Variants in NGLY1 observed in about 807,000 individuals in gnomAD.
NGLY1 encodes peptide-N(4)-(N-acetyl-beta-glucosaminyl)asparagine amidase.
Under a neutral mutation model 84.6 loss-of-function variants are expected in NGLY1, and 68 were observed. The ratio of observed to expected loss-of-function variants is 0.80; its 90% CI spans 0.66 to 0.98. NGLY1 has a LOEUF of 0.98. Ranked by LOEUF, NGLY1 falls within the 50% of genes least tolerant of loss-of-function variation. The probability of loss-of-function intolerance (pLI) is 0.00; values close to 1 mark genes in which losing one functional copy is unlikely to be tolerated. For missense variants in NGLY1, 779 were observed against 770.2 expected (o/e 1.01, Z -0.14); for synonymous variants, 280 against 275.2 (o/e 1.02, Z -0.17).
intron 3 of NGLY1, among the ~76,000 whole-genome samples, chr3:25,761,517 A>G (rs566561086): frequency 6.6e-6 from 1 of 152,346 alleles, no homozygotes; most frequent in South Asian, 2.1e-4. Flanking sequence ...ATGAACTACT[A>G]CTTAACAACC....
intron 6 of NGLY1, chr3:25,736,432 T>TA (rs1190058129): frequency 6.7e-7 from 1 of 1,494,700 alleles, no homozygotes. Context: ...AAGAGCAGCA[T>TA]AAAAAATATC....
intron 10 of NGLY1, among the ~76,000 whole-genome samples, chr3:25,727,609 A>G (rs1357565453): frequency 6.6e-6 from 1 of 152,150 alleles, no homozygotes; most frequent in African/African-American, 2.4e-5. Context: ...CATGGTTAAG[A>G]TGGCGGTTTA....
chr3:25,787,441 A>C (rs1356780816), upstream of NGLY1, among the ~76,000 whole-genome samples: 2 of 152,188 alleles, frequency 1.3e-5, no homozygotes, highest in Admixed American at 1.3e-4. Context: ...TCATTTGTGC[A>C]ATAGTGATCT....
At chr3:25,755,782 C>A in intron 3 of NGLY1, 1 of 697,138 alleles carries the variant, frequency 1.4e-6, no homozygotes, top group Non-Finnish European at 2.4e-6. Flanking sequence ...CCTTAAAAGA[C>A]TTTCATATTA....
chr3:25,747,408 C>T (rs1253622352), intron 4 of NGLY1, among the ~76,000 whole-genome samples: 1 of 152,064 alleles, frequency 6.6e-6, no homozygotes, highest in Non-Finnish European at 1.5e-5. Context: ...GTTAGCAGGC[C>T]TGTAGCAGAA....
intron 10 of NGLY1, among the ~76,000 whole-genome samples, chr3:25,724,913 A>G (rs2125451618): frequency 6.6e-6 from 1 of 152,318 alleles, no homozygotes; most frequent in Non-Finnish European, 1.5e-5. Flanking sequence ...TTCCTGGCTC[A>G]TAACTCCCAT....
chr3:25,777,531 G>A (rs150259933), intron 2 of NGLY1, among the ~76,000 whole-genome samples: 2 of 151,814 alleles, frequency 1.3e-5, no homozygotes, highest in Admixed American at 6.6e-5. Flanking sequence ...TCTGTTTCAC[G>A]GTTACTTCTG....
chr3:25,749,765 A>G (rs1706633026), intron 4 of NGLY1: 1 of 1,449,410 alleles, frequency 6.9e-7, no homozygotes, highest in Non-Finnish European at 9.6e-7. Flanking sequence ...GATGTGCAAC[A>G]AAACTTACTG....
At chr3:25,725,086 G>A (rs2125451852) in intron 10 of NGLY1, among the ~76,000 whole-genome samples, 1 of 152,282 alleles carries the variant, frequency 6.6e-6, no homozygotes, top group East Asian at 1.9e-4. Flanking sequence ...TCCATACCCT[G>A]GAGGTAGAAA....
At chr3:25,773,749 G>C (rs1021550233) in intron 2 of NGLY1, among the ~76,000 whole-genome samples, 1 of 152,154 alleles carries the variant, frequency 6.6e-6, no homozygotes, top group Non-Finnish European at 1.5e-5. Context: ...TATAGACTAT[G>C]TCAGAGGAAG....
intron 3 of NGLY1, among the ~76,000 whole-genome samples, chr3:25,759,911 T>TA (rs748237273): frequency 4.2e-3 from 256 of 60,726 alleles, no homozygotes; most frequent in African/African-American, 7.6e-3. Context: ...CTTCTTTAGT[T>TA]AAAAAAACAC....
At chr3:25,774,563 G>A (rs916610032) in intron 2 of NGLY1, among the ~76,000 whole-genome samples, 8 of 152,146 alleles carry the variant, frequency 5.3e-5, no homozygotes, top group African/African-American at 1.7e-4. Flanking sequence ...GGTCACCAGG[G>A]AAGTGGGGGA....
At chr3:25,724,111 G>A (rs1331290262) in intron 10 of NGLY1, among the ~76,000 whole-genome samples, 1 of 152,214 alleles carries the variant, frequency 6.6e-6, no homozygotes, top group Non-Finnish European at 1.5e-5. Flanking sequence ...TTGGCTTTAT[G>A]TAACTAATAT....
intron 3 of NGLY1, among the ~76,000 whole-genome samples, chr3:25,752,872 C>T (rs1282385431): frequency 6.6e-6 from 1 of 151,342 alleles, no homozygotes; most frequent in Non-Finnish European, 1.5e-5. Context: ...TGGTGTCAAA[C>T]GGTAGAATAA....
chr3:25,758,495 C>G (rs1707149707), intron 3 of NGLY1, among the ~76,000 whole-genome samples: 4 of 152,116 alleles, frequency 2.6e-5, no homozygotes. Context: ...GGAGGATCAT[C>G]TGAGCCCAGG....
At chr3:25,768,189 G>A (rs1478383561) in intron 2 of NGLY1, among the ~76,000 whole-genome samples, 2 of 150,554 alleles carry the variant, frequency 1.3e-5, no homozygotes, top group African/African-American at 2.4e-5. Flanking sequence ...TTGGGAGGCC[G>A]AGGTAGGTGA....
chr3:25,761,045 ATAAT>A (rs771614328), intron 3 of NGLY1, among the ~76,000 whole-genome samples: 2 of 152,100 alleles, frequency 1.3e-5, no homozygotes, highest in African/African-American at 2.4e-5. Context: ...TATGACTTTT[ATAAT>A]TTCAATGAAA....
upstream of NGLY1, among the ~76,000 whole-genome samples, chr3:25,785,349 C>T (rs1042396404): frequency 2.6e-5 from 4 of 151,972 alleles, no homozygotes; most frequent in East Asian, 1.9e-4. Flanking sequence ...AATGTAGTCT[C>T]GTCCAACTAC....
chr3:25,749,565 C>T lies in NGLY1; in HGVS notation c.658+1533G>A, dbSNP rs139126727. On this transcript the variant is annotated intron_variant, in intron 4 of 11. Transcript: ENST00000280700. ...AGAAGTTCATCCGGCACCAGTCTGA[C>T]TGATATGTCAAAAATTAAGTGTAAC... is the stretch of plus-strand genomic sequence containing the variant. The T allele has an allele frequency of 4.2e-4, 643 of 1,546,134 alleles. 2 individuals carry two copies. In the African/African-American group the frequency reaches 7.6e-3, roughly 18 times the overall value.
Sources: gnomAD v4.1 joint callset for allele counts (sites outside exome capture counted in the v4.1 genomes callset) on GRCh38, gnomAD v4.1.1 for gene constraint, MANE v1.5 for transcripts, NCBI Gene and HGNC (gene_info 2026-07-23, HGNC 2026-07-21) for gene names.